Variants in KIAA0825 observed in about 807,000 individuals in gnomAD.
KIAA0825 encodes the protein KIAA0825.
In KIAA0825, 119 loss-of-function variants were observed where a neutral mutation model predicts 147.6. The ratio of observed to expected loss-of-function variants is 0.81; its 90% CI spans 0.69 to 0.94. KIAA0825 has a LOEUF of 0.94. KIAA0825 is among the 40% of genes least tolerant of loss of function. The pLI, the probability that KIAA0825 is intolerant of heterozygous loss-of-function variation, is 0.00. For missense variants in KIAA0825, 1,381 were observed against 1,472.7 expected (o/e 0.94, Z 1.02); for synonymous variants, 470 against 518.1 (o/e 0.91, Z 1.26).
chr5:94,191,548 C>T (rs1487904840), intron 20 of KIAA0825, among the ~76,000 whole-genome samples: 1 of 152,136 alleles, frequency 6.6e-6, no homozygotes, highest in Non-Finnish European at 1.5e-5. Flanking sequence ...AATCATAAAA[C>T]AATTCTAATT....
chr5:94,603,315 C>A (rs547274688), intron 1 of KIAA0825, among the ~76,000 whole-genome samples: 1 of 152,008 alleles, frequency 6.6e-6, no homozygotes, highest in Admixed American at 6.6e-5. Context: ...ATTTTGTATC[C>A]GGCCAAACTA....
chr5:94,307,411 G>C lies in KIAA0825; in HGVS notation c.3710+76957C>G, dbSNP rs9314105. ...TTATGGTTTTATAATTCAAATTTCA[G>C]AAAAGTTGTTCACCCTGTCACTGTG... On this transcript the variant is annotated intron_variant, in intron 20 of 20. Transcript: ENST00000682413. Among the ~76,000 whole-genome samples the C allele has an allele frequency of 6.0e-5, 9 of 151,236 alleles. 1 individual carries two copies. The highest frequency in any genetic ancestry group is 5.9e-4 in the Admixed American group (9 of 15,142).
intron 1 of KIAA0825, chr5:94,593,441 C>A: frequency 1.4e-6 from 1 of 725,710 alleles, no homozygotes; most frequent in Non-Finnish European, 2.5e-6. Flanking sequence ...ACCACAGATT[C>A]TTCTGAGGTC....
chr5:94,340,884 G>A (rs1002291120), intron 20 of KIAA0825, among the ~76,000 whole-genome samples: 4 of 152,090 alleles, frequency 2.6e-5, no homozygotes, highest in Non-Finnish European at 4.4e-5. Flanking sequence ...AATGCATAAC[G>A]CAGTGCTGGG....
chr5:94,399,650 T>C (rs1261534258), intron 16 of KIAA0825, among the ~76,000 whole-genome samples: 1 of 152,114 alleles, frequency 6.6e-6, no homozygotes, highest in Non-Finnish European at 1.5e-5. Flanking sequence ...AGTTTAATTC[T>C]GTCTAAGCCG....
At chr5:94,600,922 T>G (rs1279227968) in intron 1 of KIAA0825, among the ~76,000 whole-genome samples, 8 of 152,276 alleles carry the variant, frequency 5.3e-5, no homozygotes, top group Middle Eastern at 3.4e-3. Context: ...GTTTGAAAAT[T>G]TCCTGGGAAA....
At chr5:94,273,055 G>A (rs1777064212) in intron 20 of KIAA0825, among the ~76,000 whole-genome samples, 1 of 152,188 alleles carries the variant, frequency 6.6e-6, no homozygotes. Context: ...CCTTGCAGCT[G>A]TGGCATTTGT....
chr5:94,197,455 A>T (rs1021050749), intron 20 of KIAA0825, among the ~76,000 whole-genome samples: 3 of 152,084 alleles, frequency 2.0e-5, no homozygotes, highest in Admixed American at 2.0e-4. Flanking sequence ...TGTTGTGCAG[A>T]AGATTGTTAG....
chr5:94,470,211 A>G, intron 9 of KIAA0825, 100 bp from the exon 10 acceptor site: 4 of 741,736 alleles, frequency 5.4e-6, no homozygotes, highest in Non-Finnish European at 7.7e-6. Flanking sequence ...TTAGATATCA[A>G]TCATTCATTT....
chr5:94,432,566 A>C (rs2150796481), intron 14 of KIAA0825, among the ~76,000 whole-genome samples: 1 of 151,656 alleles, frequency 6.6e-6, no homozygotes, highest in Middle Eastern at 3.4e-3. Context: ...ACACACAAAT[A>C]TGGTTCTTAG....
At chr5:94,407,275 G>A (rs1215311160) in intron 15 of KIAA0825, among the ~76,000 whole-genome samples, 1 of 152,164 alleles carries the variant, frequency 6.6e-6, no homozygotes, top group Non-Finnish European at 1.5e-5. Flanking sequence ...CGAAGGCAGA[G>A]TTGCAAACTG....
Position 94,403,609 on chromosome 5 carries a change from AT to A in KIAA0825, c.2846del (p.Asn949IlefsTer27). The A allele has an allele frequency of 6.4e-7, 1 of 1,551,556 alleles. No individual in the cohort carries two copies. The highest frequency in any genetic ancestry group is 8.7e-7 in the Non-Finnish European group (1 of 1,146,894). On this transcript the variant is annotated frameshift_variant, in exon 16 of 21. Transcript: ENST00000682413. LOFTEE classifies it high-confidence loss of function. ...TCCTGTTAGTTTCTTTTGGACTATAATTCCATTCCTTTGGCATGCTCTCAAG... is the reference window on the plus strand; with the variant it reads ...TCCTGTTAGTTTCTTTTGGACTATAATCCATTCCTTTGGCATGCTCTCAAG... ...CLLESMPKEW[N>X]YSPKETNRKE...
At chr5:94,243,454 A>G (rs1222458492) in intron 20 of KIAA0825, among the ~76,000 whole-genome samples, 5 of 152,192 alleles carry the variant, frequency 3.3e-5, no homozygotes, top group African/African-American at 7.2e-5. Flanking sequence ...GAAAGTTTCT[A>G]TACCTTATAG....
At chr5:94,535,043 C>T (rs1771678948) in intron 3 of KIAA0825, among the ~76,000 whole-genome samples, 1 of 151,954 alleles carries the variant, frequency 6.6e-6, no homozygotes, top group South Asian at 2.1e-4. Flanking sequence ...ATCAATTATA[C>T]ACTCTCAGTT....
At chr5:94,224,874 T>C (rs1406181150) in intron 20 of KIAA0825, among the ~76,000 whole-genome samples, 37 of 152,172 alleles carry the variant, frequency 2.4e-4, no homozygotes, top group Non-Finnish European at 5.9e-5. Flanking sequence ...TTTCTTCTTT[T>C]ATCTGCCTAG....
chr5:94,375,840 T>C (rs374154574), intron 20 of KIAA0825, among the ~76,000 whole-genome samples: 58 of 152,320 alleles, frequency 3.8e-4, no homozygotes, highest in African/African-American at 1.1e-3. Flanking sequence ...TTGAAGGATA[T>C]TGAGATAACC....
At chr5:94,336,625 T>G (rs1259663156) in intron 20 of KIAA0825, among the ~76,000 whole-genome samples, 1 of 152,156 alleles carries the variant, frequency 6.6e-6, no homozygotes, top group Non-Finnish European at 1.5e-5. Flanking sequence ...TATTCCATGG[T>G]GTATATGTGC....
chr5:94,247,679 C>A (rs902599117), intron 20 of KIAA0825, among the ~76,000 whole-genome samples: 2 of 152,134 alleles, frequency 1.3e-5, no homozygotes, highest in Admixed American at 1.3e-4. Flanking sequence ...ACCATTCATT[C>A]ACTCGAAGAA....
intron 14 of KIAA0825, among the ~76,000 whole-genome samples, chr5:94,433,657 A>G (rs773568227): frequency 6.6e-6 from 1 of 152,138 alleles, no homozygotes; most frequent in African/African-American, 2.4e-5. Flanking sequence ...CAGTTTCCTC[A>G]TCTCTAAAAG....
Sources: gnomAD v4.1 joint callset for allele counts (sites outside exome capture counted in the v4.1 genomes callset) on GRCh38, gnomAD v4.1.1 for gene constraint, MANE v1.5 for transcripts, NCBI Gene and HGNC (gene_info 2026-07-23, HGNC 2026-07-21) for gene names.